STAC: variants seen among roughly 807,000 people sequenced by gnomAD.
The protein encoded by STAC is SH3 and cysteine-rich domain-containing protein.
STAC carries 43 observed loss-of-function variants against 48.8 expected under a neutral mutation model. That is an observed-to-expected ratio of 0.88 (90% CI 0.69 to 1.14). STAC has a LOEUF of 1.14. Ranked by LOEUF, STAC falls within the 50% of genes most tolerant of loss-of-function variation. STAC has a pLI of 0.00. For missense variants in STAC, 497 were observed against 504.0 expected (o/e 0.99, Z 0.13); for synonymous variants, 193 against 179.5 (o/e 1.07, Z -0.60).
At chr3:36,445,090 G>A (rs1490354037) in intron 2 of STAC, among the ~76,000 whole-genome samples, 1 of 152,126 alleles carries the variant, frequency 6.6e-6, no homozygotes. Flanking sequence ...CTCTATTTTA[G>A]ATCTCATTGT....
At chr3:36,406,762 G>C (rs1700095056) in intron 1 of STAC, among the ~76,000 whole-genome samples, 1 of 152,214 alleles carries the variant, frequency 6.6e-6, no homozygotes, top group Admixed American at 6.5e-5. Flanking sequence ...ATGCAGAGTT[G>C]AGTAGTAGTG....
intron 2 of STAC, among the ~76,000 whole-genome samples, chr3:36,474,996 C>CGT (rs369994742): frequency 1.4e-3 from 212 of 151,592 alleles, no homozygotes; most frequent in African/African-American, 4.3e-3. Flanking sequence ...TGGCTTTTCT[C>CGT]GTGTGTGTGT....
intron 1 of STAC, among the ~76,000 whole-genome samples, chr3:36,442,300 G>A (rs1696371422): frequency 1.3e-5 from 2 of 152,278 alleles, no homozygotes; most frequent in Admixed American, 6.5e-5. Flanking sequence ...CTGCAGCTCT[G>A]GGCCATACAT....
intron 10 of STAC, among the ~76,000 whole-genome samples, chr3:36,540,772 C>T (rs552417070): frequency 3.9e-5 from 6 of 152,240 alleles, no homozygotes; most frequent in Admixed American, 2.6e-4. Flanking sequence ...CTTTTGACTC[C>T]GTGATTTTGG....
At chr3:36,460,786 C>T (rs1032824366) in intron 2 of STAC, among the ~76,000 whole-genome samples, 2 of 152,100 alleles carry the variant, frequency 1.3e-5, no homozygotes, top group Non-Finnish European at 2.9e-5. Flanking sequence ...TCCATACTAC[C>T]CAAAGCGATT....
At chr3:36,429,200 T>TA (rs1375188202) in intron 1 of STAC, among the ~76,000 whole-genome samples, 1 of 152,158 alleles carries the variant, frequency 6.6e-6, no homozygotes, top group Non-Finnish European at 1.5e-5. Flanking sequence ...TTTACTAACT[T>TA]AGAGTCTGTG....
intron 8 of STAC, among the ~76,000 whole-genome samples, chr3:36,527,412 C>G (rs886373974): frequency 2.6e-5 from 4 of 151,854 alleles, no homozygotes; most frequent in African/African-American, 9.7e-5. Flanking sequence ...AATAAAGAAC[C>G]CTTAGAAACT....
rs1698346392 is a variant in STAC, at chr3:36,504,299, A to T, written c.767-94A>T. 4.3e-6 allele frequency: 5 copies of T among 1,163,064 alleles called. No homozygotes were observed. In the South Asian group the frequency reaches 6.7e-5, roughly 16 times the overall value. 72.0% of individuals were successfully genotyped at this position (1,163,064 alleles called of 1,614,324 possible). On this transcript the variant is annotated intron_variant, in intron 6 of 10. Coordinates refer to ENST00000273183, the MANE Select transcript of STAC (RefSeq NM_003149.3). ...GGCAATAAGTAGTAAAGTAGAAGCT[A>T]TGGTACTTAGAATAAATAAAGCCAT...
At chr3:36,539,949 G>A (rs1699284989) in intron 10 of STAC, among the ~76,000 whole-genome samples, 1 of 152,202 alleles carries the variant, frequency 6.6e-6, no homozygotes, top group African/African-American at 2.4e-5. Flanking sequence ...TTTTGTAGAT[G>A]TGATTAAGTT....
At chr3:36,452,744 C>T (rs554580753) in intron 2 of STAC, among the ~76,000 whole-genome samples, 1 of 152,166 alleles carries the variant, frequency 6.6e-6, no homozygotes, top group Admixed American at 6.5e-5. Flanking sequence ...TATCTGGGAA[C>T]GCCAAGTCTG....
intron 1 of STAC, among the ~76,000 whole-genome samples, chr3:36,416,518 A>G (rs1037998271): frequency 2.0e-5 from 3 of 152,180 alleles, no homozygotes; most frequent in African/African-American, 7.2e-5. Flanking sequence ...AAACATTTTA[A>G]TCATCTGCAC....
chr3:36,547,503 C>T lies in STAC; in HGVS notation c.*1214C>T, dbSNP rs1173451798. 2 of 152,610 alleles carry T rather than the reference C, an allele frequency of 1.3e-5. No homozygotes were observed. The highest frequency in any genetic ancestry group is 2.9e-5 in the Non-Finnish European group (2 of 68,020). The allele number at this position is 152,610 out of a possible 1,614,324, so 9.5% of individuals were successfully genotyped here. On this transcript the variant is annotated 3_prime_UTR_variant, in exon 11 of 11. Coordinates refer to ENST00000273183, the MANE Select transcript of STAC (RefSeq NM_003149.3). ...TGCAATATACTGTGATGCCTTCCTA[C>T]TCAAGCCTCCTAGCATTCAAACTTC...
intron 8 of STAC, among the ~76,000 whole-genome samples, chr3:36,523,291 T>C (rs1698849717): frequency 1.3e-5 from 2 of 152,244 alleles, no homozygotes; most frequent in Non-Finnish European, 2.9e-5. Flanking sequence ...CCTCTGGGCC[T>C]ATGGCAAATT....
At chr3:36,409,359 G>A (rs1233241632) in intron 1 of STAC, 1 of 152,146 alleles carries the variant, frequency 6.6e-6, no homozygotes, top group East Asian at 1.9e-4. Flanking sequence ...GCTTAACAAG[G>A]TTGTAAGGAG....
At chr3:36,426,666 TG>T (rs1410604526) in intron 1 of STAC, among the ~76,000 whole-genome samples, 4 of 152,072 alleles carry the variant, frequency 2.6e-5, no homozygotes, top group African/African-American at 4.8e-5. Context: ...CTTAGAAGCT[TG>T]GGTTCAAGTT....
At position 36,443,688 on chromosome 3, in the gene STAC, T is replaced by A; in HGVS notation, c.388+48T>A. The A allele has an allele frequency of 6.3e-7, 1 of 1,591,286 alleles. No homozygotes were observed. The highest frequency in any genetic ancestry group is 8.5e-7 in the Non-Finnish European group (1 of 1,173,256). ...CCAGATCCCAGCACCCCCGGAAAGC[T>A]GAGTGAGAGTGGTGTGCCACGGGTC... On this transcript the variant is annotated intron_variant, in intron 2 of 10. Coordinates refer to ENST00000273183, the MANE Select transcript of STAC (RefSeq NM_003149.3). This position sits in a 1 kb window ranked among gnomAD's most constrained non-coding sequence, Gnocchi z 4.2.
intron 1 of STAC, among the ~76,000 whole-genome samples, chr3:36,427,686 T>C (rs1396786227): frequency 6.6e-6 from 1 of 152,178 alleles, no homozygotes; most frequent in African/African-American, 2.4e-5. Flanking sequence ...CAGGCTCAGT[T>C]TGAGATTCTG....
chr3:36,523,410 G>T (rs547130427), intron 8 of STAC, among the ~76,000 whole-genome samples: 197 of 152,278 alleles, frequency 1.3e-3, no homozygotes, highest in African/African-American at 4.6e-3. Flanking sequence ...TTACATCATG[G>T]TATACAATTG....
At chr3:36,431,168 T>G (rs1700691488) in intron 1 of STAC, among the ~76,000 whole-genome samples, 1 of 152,082 alleles carries the variant, frequency 6.6e-6, no homozygotes, top group Non-Finnish European at 1.5e-5. Context: ...TACTGTAAAA[T>G]CCTCACTGCT....
Sources: gnomAD v4.1 joint callset for allele counts (sites outside exome capture counted in the v4.1 genomes callset) on GRCh38, gnomAD v4.1.1 for gene constraint, Gnocchi (gnomAD v3.1) non-coding constraint, MANE v1.5 for transcripts, NCBI Gene and HGNC (gene_info 2026-07-23, HGNC 2026-07-21) for gene names.